LRPAP1: variants seen among roughly 807,000 people sequenced by gnomAD.
The protein encoded by LRPAP1 is alpha-2-macroglobulin receptor-associated protein.
LRPAP1 carries 41 observed loss-of-function variants against 39.9 expected under a neutral mutation model. The observed-to-expected ratio is 1.03, with a 90% CI of 0.80 to 1.33. The LOEUF is 1.33. Ranked by LOEUF, LRPAP1 falls within the 40% of genes most tolerant of loss-of-function variation. The pLI is 0.00. For synonymous variants in LRPAP1, 263 were observed against 212.7 expected (o/e 1.24, Z -2.06); for missense variants, 565 against 482.3 (o/e 1.17, Z -1.61).
At chr4:3,515,574 C>T (rs547319149) in intron 6 of LRPAP1, among the ~76,000 whole-genome samples, 16 of 152,164 alleles carry the variant, frequency 1.1e-4, no homozygotes, top group Non-Finnish European at 2.4e-4. Context: ...AACTCATGGC[C>T]GGATACCATA....
chr4:3,515,818 C>A, intron 6 of LRPAP1: 7 of 447,748 alleles, frequency 1.6e-5, no homozygotes, highest in Non-Finnish European at 2.0e-5. Context: ...CAGGCTGTGG[C>A]TGGGTCCCGA....
rs1729572279 is a variant in LRPAP1 at position 3,512,861 on chromosome 4, C to A, written c.*113G>T. 2 of 843,272 alleles carry A rather than the reference C, an allele frequency of 2.4e-6. No homozygotes were observed. The highest frequency in any genetic ancestry group is 5.4e-5 in the East Asian group (2 of 37,278). The allele number at this position is 843,272 out of a possible 1,614,324, so 52.2% of individuals were successfully genotyped here. A position where few individuals can be genotyped will look rare whatever the true frequency, so the allele number is the denominator to read the frequency against. ...AGAAACAATCCTTCCTGCCTCGACA[C>A]CCGTGCCAGCCCCAGCCACCCTGAC... On this transcript the variant is annotated 3_prime_UTR_variant, in exon 8 of 8. Coordinates refer to ENST00000650182, the MANE Select transcript of LRPAP1 (RefSeq NM_002337.4).
Position 3,525,036 on chromosome 4 carries a change from C to G in LRPAP1, c.220G>C (p.Val74Leu). ...TCAGCGTGGAGCTCGGCCAGCCTCA[C>G]GGGAGGAAGATGCAGCTGCGAACGA... ...EKAQRLHLPPVRLAELHADLK... is the reference protein window; with the variant it reads ...EKAQRLHLPPLRLAELHADLK... Residue 74 changes from valine to leucine, a missense_variant, in exon 2 of 8, where the codon GTG becomes CTG. Transcript: ENST00000650182. 1.9e-6 allele frequency: 3 copies of G among 1,614,000 alleles called. No homozygotes were observed. The highest frequency in any genetic ancestry group is 1.6e-4 in the Middle Eastern group (1 of 6,062).
intron 4 of LRPAP1, among the ~76,000 whole-genome samples, chr4:3,518,587 G>C (rs1729804018): frequency 6.6e-6 from 1 of 152,148 alleles, no homozygotes; most frequent in South Asian, 2.1e-4. Context: ...CGAAGCTCAG[G>C]TCTGACAAAG....
Position 3,511,451 on chromosome 4 carries a change from C to T in LRPAP1, c.*1523G>A, listed in dbSNP as rs991153032. The T allele has an allele frequency of 6.6e-6, 1 of 152,148 alleles. No individual in the cohort carries two copies. The allele number at this position is 152,148 out of a possible 1,614,324, so 9.4% of individuals were successfully genotyped here. A position where few individuals can be genotyped will look rare whatever the true frequency, so the allele number is the denominator to read the frequency against. On this transcript the variant is annotated 3_prime_UTR_variant, in exon 8 of 8. Transcript: ENST00000650182. ...CACCAACACACTGAGTACCTTAAGG[C>T]TCTCAGGATAATGGGAAAAAAAAGA... is the stretch of plus-strand genomic sequence containing the variant.
chr4:3,513,787 C>T (rs2108687293), intron 7 of LRPAP1, among the ~76,000 whole-genome samples: 1 of 152,330 alleles, frequency 6.6e-6, no homozygotes, highest in East Asian at 1.9e-4. Flanking sequence ...GTCAGCCCAG[C>T]CTGGGCTGGG....
Position 3,504,908 on chromosome 4 carries a change from ACG to A in LRPAP1, c.*8064_*8065del, listed in dbSNP as rs1729306855. On this transcript the variant is annotated 3_prime_UTR_variant, in exon 8 of 8. Coordinates refer to ENST00000650182, the MANE Select transcript of LRPAP1 (RefSeq NM_002337.4). The stretch of plus-strand genomic sequence containing the variant: ...GTTGCAGTGAGCCGAGATCGCACCA[ACG>A]CACTCCAGCCTGGGCGACAGAGCAA... Among the ~76,000 whole-genome samples the A allele has an allele frequency of 2.0e-5, 3 of 151,878 alleles. No homozygotes were observed. The highest frequency in any genetic ancestry group is 2.9e-5 in the Non-Finnish European group (2 of 67,968).
At chr4:3,520,871 C>T (rs1172585501) in intron 2 of LRPAP1, among the ~76,000 whole-genome samples, 1 of 152,240 alleles carries the variant, frequency 6.6e-6, no homozygotes, top group Non-Finnish European at 1.5e-5. Context: ...CCTAGCCCCG[C>T]TTCCCTAGGG....
At chr4:3,515,920 G>A in intron 6 of LRPAP1, 196 bp downstream of exon 6, 1 of 613,596 alleles carries the variant, frequency 1.6e-6, no homozygotes. Context: ...CCAGAGCCTG[G>A]CCCCGCCCCT....
At position 3,518,809 on chromosome 4, in the gene LRPAP1, G is replaced by A; in HGVS notation, c.592+62C>T. 6.9e-6 allele frequency: 8 copies of A among 1,167,314 alleles called. No homozygotes were observed. In the South Asian group the frequency reaches 1.0e-4, roughly 15 times the overall value. 72.3% of individuals were successfully genotyped at this position (1,167,314 alleles called of 1,614,324 possible). On this transcript the variant is annotated intron_variant, in intron 4 of 7. Coordinates refer to ENST00000650182, the MANE Select transcript of LRPAP1 (RefSeq NM_002337.4). Reference sequence around the variant, plus strand: ...CTGAGCACAACGAGCCTCAGGTGCAGGAGGGGTGGGGGGCAGGAGGGGGTG... The same window carrying A: ...CTGAGCACAACGAGCCTCAGGTGCAAGAGGGGTGGGGGGCAGGAGGGGGTG...
In LRPAP1 at chr4:3,511,143, GGAGA is replaced by G. The variant is rs1427355620; in HGVS notation, c.*1827_*1830del. 6.6e-6 allele frequency: 1 copy of G among 152,176 alleles called. No homozygotes were observed. Among genetic ancestry groups the G allele is most frequent in the Non-Finnish European group, 1.5e-5 (1 of 68,048 alleles). 9.4% of individuals were successfully genotyped at this position (152,176 alleles called of 1,614,324 possible). A position where few individuals can be genotyped will look rare whatever the true frequency, so the allele number is the denominator to read the frequency against. On this transcript the variant is annotated 3_prime_UTR_variant, in exon 8 of 8. Coordinates refer to ENST00000650182, the MANE Select transcript of LRPAP1 (RefSeq NM_002337.4). ...CTAGTGTTCTCCTTCCACCCAGCTG[GGAGA>G]AAGAAACACAGTCCAACCACTTTGG... is the stretch of plus-strand genomic sequence containing the variant.
At chr4:3,515,915 G>T (rs1253573620) in intron 6 of LRPAP1, 2 of 608,046 alleles carry the variant, frequency 3.3e-6, no homozygotes, top group African/African-American at 3.7e-5. Context: ...TCCCTCCAGA[G>T]CCTGGCCCCG....
intron 7 of LRPAP1, among the ~76,000 whole-genome samples, chr4:3,513,752 C>A (rs1729607862): frequency 6.6e-6 from 1 of 152,226 alleles, no homozygotes; most frequent in South Asian, 2.1e-4. Context: ...CCCACAGATA[C>A]CACCCCAGTG....
At chr4:3,514,559 G>C (rs1315414835) in intron 7 of LRPAP1, among the ~76,000 whole-genome samples, 193 bp downstream of exon 7, 1 of 152,246 alleles carries the variant, frequency 6.6e-6, no homozygotes, top group Non-Finnish European at 1.5e-5. Flanking sequence ...TACAAGCCCG[G>C]GGGGCTCCCC....
At position 3,518,267 on chromosome 4, in the gene LRPAP1, C is replaced by G; in HGVS notation, c.593-75G>C. On this transcript the variant is annotated intron_variant, in intron 4 of 7. Coordinates refer to ENST00000650182, the MANE Select transcript of LRPAP1 (RefSeq NM_002337.4). ...CTGCCCAGACCACTGTCTAGAACGC[C>G]CACTGCTGGGGAGCTCAAACTCGCT... The G allele has an allele frequency of 2.0e-6, 3 of 1,488,288 alleles. No individual in the cohort carries two copies. The South Asian group carries it at 3.9e-5, about 19-fold the overall frequency. 92.2% of individuals were successfully genotyped at this position (1,488,288 alleles called of 1,614,324 possible). A position where few individuals can be genotyped will look rare whatever the true frequency, so the allele number is the denominator to read the frequency against.
intron 3 of LRPAP1, 97 bp downstream of exon 3, chr4:3,519,975 C>G (rs1729854790): frequency 6.9e-7 from 1 of 1,450,864 alleles, no homozygotes; most frequent in African/African-American, 1.4e-5. Flanking sequence ...CAAACCCCGG[C>G]TCCCATGCAG....
At position 3,514,886 on chromosome 4, in the gene LRPAP1, G is replaced by A. The variant is rs768186858; in HGVS notation, c.877C>T (p.His293Tyr). Reference sequence around the variant, plus strand: ...GCAATCTCCAGCTGCTTCTGGTAGTGGTTGTGCTTCTCGATTTTGGCTTCG... The same window carrying A: ...GCAATCTCCAGCTGCTTCTGGTAGTAGTTGTGCTTCTCGATTTTGGCTTCG... Reference protein sequence around the residue: ...HFEAKIEKHNHYQKQLEIAHE... With the variant: ...HFEAKIEKHNYYQKQLEIAHE... Residue 293 changes from histidine to tyrosine, a missense_variant, in exon 7 of 8, where the codon CAC becomes TAC. Physicochemically the swap from His to Tyr is moderately conservative, Grantham distance 83 (BLOSUM62 2). Transcript: ENST00000650182. 2 of 1,613,870 alleles carry A rather than the reference G, an allele frequency of 1.2e-6. No homozygotes were observed. Among genetic ancestry groups the A allele is most frequent in the Non-Finnish European group, 1.7e-6 (2 of 1,179,910 alleles).
chr4:3,512,958 G>A lies in LRPAP1; in HGVS notation c.*16C>T. On this transcript the variant is annotated 3_prime_UTR_variant, in exon 8 of 8. Transcript: ENST00000650182. ...ACGCTGGCCTCTTCCCTGCCGGGCT[G>A]GGCTCCCCAATGCCTTCAGAGTTCG... 6.2e-7 allele frequency: 1 copy of A among 1,606,184 alleles called. No homozygotes were observed. Among genetic ancestry groups the A allele is most frequent in the South Asian group, 1.1e-5 (1 of 89,188 alleles).
At chr4:3,516,301 G>A in intron 5 of LRPAP1, 103 bp from the exon 6 acceptor site, 1 of 872,020 alleles carries the variant, frequency 1.1e-6, no homozygotes, top group South Asian at 1.5e-5. Context: ...ATGAGGGTTT[G>A]CAGGCGCGAC....
Sources: allele counts gnomAD v4.1 joint callset (sites outside exome capture counted in the v4.1 genomes callset), GRCh38; gene constraint gnomAD v4.1.1; transcripts MANE v1.5; gene names NCBI Gene and HGNC (gene_info 2026-07-23, HGNC 2026-07-21).